The following TLX3 variants were observed in gnomAD, a reference collection of about 807,000 sequenced individuals.
The protein encoded by TLX3 is T cell leukemia homeobox 3.
In TLX3, 11 loss-of-function variants were observed where a neutral mutation model predicts 19.6. The ratio of observed to expected loss-of-function variants is 0.56; its 90% CI spans 0.35 to 0.93. The LOEUF is 0.93. Among genes scored for constraint, TLX3 ranks in the 40% least tolerant of loss-of-function variants. The pLI, the probability that TLX3 is intolerant of heterozygous loss-of-function variation, is 0.01. For missense variants in TLX3, 375 were observed against 418.6 expected (o/e 0.90, Z 0.91); for synonymous variants, 221 against 188.1 (o/e 1.17, Z -1.43).
Position 171,311,483 on chromosome 5 carries a change from G to A in TLX3, c.760G>A (p.Asp254Asn). Reference protein sequence around the residue: ...QHDAFQKSLNDSIQPDPLCLH... With the variant: ...QHDAFQKSLNNSIQPDPLCLH... ...CGACGCCTTCCAAAAGAGCCTCAACGACTCCATCCAGCCTGACCCGCTCTG... is the reference window on the plus strand; with the variant it reads ...CGACGCCTTCCAAAAGAGCCTCAACAACTCCATCCAGCCTGACCCGCTCTG... The change falls in exon 3 of 3, where the codon GAC becomes AAC. Residue 254 changes from aspartate (D) to asparagine (N), a missense_variant. This residue lies in a region of TLX3 where 62 missense variants were observed against 63.1 expected (regional missense o/e 0.98). Coordinates refer to ENST00000296921, the MANE Select transcript of TLX3 (RefSeq NM_021025.4). This position sits in a 1 kb window ranked among gnomAD's most constrained non-coding sequence, Gnocchi z 5.1. The A allele has an allele frequency of 1.2e-6, 2 of 1,611,492 alleles. No individual in the cohort carries two copies. Among genetic ancestry groups the A allele is most frequent in the Non-Finnish European group, 1.7e-6 (2 of 1,178,996 alleles).
In TLX3 at chr5:171,311,304, G is replaced by T; in HGVS notation, c.666-85G>T. ...CGCCTCGAGGCTCCCGGATGGCCTC[G>T]GCTCCCGGGAGGGCCGGGGCCCCGC... On this transcript the variant is annotated intron_variant, in intron 2 of 2. Transcript: ENST00000296921. This position sits in a 1 kb window ranked among gnomAD's most constrained non-coding sequence, Gnocchi z 5.1. The T allele has an allele frequency of 1.5e-6, 2 of 1,290,720 alleles. No individual in the cohort carries two copies. Among genetic ancestry groups the T allele is most frequent in the Non-Finnish European group, 2.1e-6 (2 of 954,034 alleles). 80.0% of individuals were successfully genotyped at this position (1,290,720 alleles called of 1,614,324 possible).
At position 171,309,327 on chromosome 5, in the gene TLX3, T is replaced by TGCCCCCCCCCCCCC; in HGVS notation, c.-39_-38insGCCCCCCCCCCCCC. The TGCCCCCCCCCCCCC allele has an allele frequency of 1.4e-5, 14 of 976,968 alleles. No homozygotes were observed. The highest frequency in any genetic ancestry group is 2.8e-5 in the East Asian group (1 of 35,736). 60.5% of individuals were successfully genotyped at this position (976,968 alleles called of 1,614,324 possible). Reference sequence around the variant, plus strand: ...GCGCCGTAACGGGGACCCAGCCGCCTCCCCGCCCAGCCCAGCCCAGCCCTT... The same window carrying TGCCCCCCCCCCCCC: ...GCGCCGTAACGGGGACCCAGCCGCCTGCCCCCCCCCCCCCCCCCGCCCAGCCCAGCCCAGCCCTT... On this transcript the variant is annotated 5_prime_UTR_variant, in exon 1 of 3. Transcript: ENST00000296921.
rs756534516 is a variant in TLX3, at chr5:171,311,569, C to T, written c.846C>T (p.Ser282=). ...TGCAGCCCTGGGAGGAGGATAGTTC[C>T]AAGGTTCCCGCTGTCACCTCCCTGG... ...QNLQPWEEDS[S]KVPAVTSLV Residue 282 remains serine (S), a synonymous_variant, in exon 3 of 3, where the codon TCC becomes TCT. Transcript: ENST00000296921. This position sits in a 1 kb window ranked among gnomAD's most constrained non-coding sequence, Gnocchi z 5.1. 5 of 1,612,064 alleles carry T rather than the reference C, an allele frequency of 3.1e-6. No homozygotes were observed. The African/African-American group carries it at 6.7e-5, about 22-fold the overall frequency.
intron 1 of TLX3, 28 bp downstream of exon 1, chr5:171,309,814 G>A (rs779473453): frequency 1.7e-5 from 27 of 1,549,314 alleles, no homozygotes; most frequent in Non-Finnish European, 2.0e-5. Flanking sequence ...CCAGGCTCCA[G>A]GCCTCCGCCC....
At chr5:171,309,815 G>A in intron 1 of TLX3, 29 bp downstream of exon 1, 1 of 1,543,072 alleles carries the variant, frequency 6.5e-7, no homozygotes, top group Non-Finnish European at 8.7e-7. Flanking sequence ...CAGGCTCCAG[G>A]CCTCCGCCCT....
chr5:171,311,759 G>A lies in TLX3; in HGVS notation c.*160G>A. On this transcript the variant is annotated 3_prime_UTR_variant, in exon 3 of 3. Transcript: ENST00000296921. This position sits in a 1 kb window ranked among gnomAD's most constrained non-coding sequence, Gnocchi z 5.1. Reference sequence around the variant, plus strand: ...GGCCACAGACTGGCGGGCCGCGGAAGGGGGTAGGGCCCGAGCTCCGCGCGG... The same window carrying A: ...GGCCACAGACTGGCGGGCCGCGGAAAGGGGTAGGGCCCGAGCTCCGCGCGG... 1.9e-6 allele frequency: 1 copy of A among 514,590 alleles called. No individual in the cohort carries two copies. Among genetic ancestry groups the A allele is most frequent in the East Asian group, 3.6e-5 (1 of 27,946 alleles). 31.9% of individuals were successfully genotyped at this position (514,590 alleles called of 1,614,324 possible). A position where few individuals can be genotyped will look rare whatever the true frequency, so the allele number is the denominator to read the frequency against.
In TLX3 at chr5:171,310,732, G is replaced by GCA. The variant is rs57258058; in HGVS notation, c.665+359_665+360dup. ...ACCCACCCCCGCCCCAAACACACAG[G>GCA]CACACACACACACACACACACGCGC... On this transcript the variant is annotated intron_variant, in intron 2 of 2. Transcript: ENST00000296921. Among the ~76,000 whole-genome samples, 24 of 43,912 alleles carry GCA rather than the reference G, an allele frequency of 5.5e-4. 1 individual carries two copies. The highest frequency in any genetic ancestry group is 0.029 in the East Asian group (2 of 70). The allele number at this position is 43,912 out of a possible 152,430, so 28.8% of individuals were successfully genotyped here.
chr5:171,309,324 G>GCCGGCCCCCCCC lies in TLX3; in HGVS notation c.-40_-39insGGCCCCCCCCCC. ...GCCGCGCCGTAACGGGGACCCAGCC[G>GCCGGCCCCCCCC]CCTCCCCGCCCAGCCCAGCCCAGCC... On this transcript the variant is annotated 5_prime_UTR_variant, in exon 1 of 3. Transcript: ENST00000296921. 2 of 1,259,518 alleles carry GCCGGCCCCCCCC rather than the reference G, an allele frequency of 1.6e-6. No homozygotes were observed. The allele number at this position is 1,259,518 out of a possible 1,614,324, so 78.0% of individuals were successfully genotyped here.
In TLX3 at chr5:171,310,254, G is replaced by A. The variant is rs747812787; in HGVS notation, c.526G>A (p.Val176Met). The change falls in exon 2 of 3, where the codon GTG (valine) becomes ATG (methionine). Residue 176 changes from valine (V) to methionine (M), a missense_variant. By Grantham distance (21) the Val-to-Met change is conservative. Around this residue, in one of 3 missense-constraint regions of TLX3, gnomAD observed 74 missense variants for 138.6 expected, o/e 0.53. Transcript: ENST00000296921. ...RKKPRTSFSRVQICELEKRFH... is the reference protein window; with the variant it reads ...RKKPRTSFSRMQICELEKRFH... Reference sequence around the variant, plus strand: ...GAAGCCGCGCACGTCCTTTTCCCGGGTGCAGATCTGCGAGCTGGAAAAGCG... The same window carrying A: ...GAAGCCGCGCACGTCCTTTTCCCGGATGCAGATCTGCGAGCTGGAAAAGCG... 4.5e-6 allele frequency: 7 copies of A among 1,571,310 alleles called. No individual in the cohort carries two copies. In the South Asian group the frequency reaches 4.7e-5, roughly 10 times the overall value.
rs1769231531 is a variant in TLX3 at position 171,311,910 on chromosome 5, T to C, written c.*311T>C. 2 of 237,764 alleles carry C rather than the reference T, an allele frequency of 8.4e-6. No homozygotes were observed. Among genetic ancestry groups the C allele is most frequent in the Admixed American group, 5.7e-5 (1 of 17,544 alleles). The allele number at this position is 237,764 out of a possible 1,614,324, so 14.7% of individuals were successfully genotyped here. The stretch of plus-strand genomic sequence containing the variant: ...GGCCGGGCGCCTGTATTATACTTTG[T>C]ACTTTTGCCCAAACGTGTAAATAAT... On this transcript the variant is annotated 3_prime_UTR_variant, in exon 3 of 3. Transcript: ENST00000296921. The surrounding 1 kb of genome is among the most constrained non-coding windows in gnomAD (Gnocchi z 5.1).
At position 171,311,837 on chromosome 5, in the gene TLX3, T is replaced by G; in HGVS notation, c.*238T>G. The G allele has an allele frequency of 2.9e-6, 1 of 347,084 alleles. No homozygotes were observed. The highest frequency in any genetic ancestry group is 5.1e-6 in the Non-Finnish European group (1 of 194,782). The allele number at this position is 347,084 out of a possible 1,614,324, so 21.5% of individuals were successfully genotyped here. On this transcript the variant is annotated 3_prime_UTR_variant, in exon 3 of 3. Transcript: ENST00000296921. The surrounding 1 kb of genome is among the most constrained non-coding windows in gnomAD (Gnocchi z 5.1). ...CCCCGTCCCGCCCCAGGCCCGGGCC[T>G]GACAAGAAAGCGCCTTACGTTTCTC...
chr5:171,309,391 C>G lies in TLX3; in HGVS notation c.26C>G (p.Thr9Ser). ...ATGGAGGCGCCCGCCAGCGCGCAGA[C>G]CCCGCACCCGCACGAGCCCATCAGC... is the stretch of plus-strand genomic sequence containing the variant. The part of the protein sequence containing the change: MEAPASAQ[T>S]PHPHEPISFG... Residue 9 changes from threonine to serine, a missense_variant, in exon 1 of 3, where the codon ACC (threonine) becomes AGC (serine). By Grantham distance (58) the Thr-to-Ser change is moderately conservative. This residue lies in a region of TLX3 where 239 missense variants were observed against 217.0 expected (regional missense o/e 1.10). Coordinates refer to ENST00000296921, the MANE Select transcript of TLX3 (RefSeq NM_021025.4). 1 of 1,574,228 alleles carries G rather than the reference C, an allele frequency of 6.4e-7. No homozygotes were observed. Among genetic ancestry groups the G allele is most frequent in the Non-Finnish European group, 8.6e-7 (1 of 1,157,002 alleles).
Position 171,310,131 on chromosome 5 carries a change from C to T in TLX3, c.422-19C>T. The T allele has an allele frequency of 4.5e-6, 7 of 1,546,928 alleles. No individual in the cohort carries two copies. The highest frequency in any genetic ancestry group is 4.4e-6 in the Non-Finnish European group (5 of 1,145,474). On this transcript the variant is annotated intron_variant, in intron 1 of 2. Transcript: ENST00000296921. ...GCGGAGCCGGGCTGGGCTTCAGGGG[C>T]CCTCCTGTGTCTCCGCAGCGGCGGC...
Position 171,309,352 on chromosome 5 carries a change from T to TACC in TLX3, c.-14_-13insACC. ...TCCCCGCCCAGCCCAGCCCAGCCCTTCCGCCCGCCCAGGATGGAGGCGCCC... is the reference window on the plus strand; with the variant it reads ...TCCCCGCCCAGCCCAGCCCAGCCCTTACCCCGCCCGCCCAGGATGGAGGCGCCC... On this transcript the variant is annotated 5_prime_UTR_variant, in exon 1 of 3. Coordinates refer to ENST00000296921, the MANE Select transcript of TLX3 (RefSeq NM_021025.4). 3 of 1,044,954 alleles carry TACC rather than the reference T, an allele frequency of 2.9e-6. No individual in the cohort carries two copies. The highest frequency in any genetic ancestry group is 4.0e-6 in the Non-Finnish European group (3 of 747,052). The allele number at this position is 1,044,954 out of a possible 1,614,324, so 64.7% of individuals were successfully genotyped here. A position where few individuals can be genotyped will look rare whatever the true frequency, so the allele number is the denominator to read the frequency against.
Position 171,309,352 on chromosome 5 carries a change from T to TAA in TLX3, c.-14_-13insAA. The TAA allele has an allele frequency of 9.6e-7, 1 of 1,044,954 alleles. No homozygotes were observed. Among genetic ancestry groups the TAA allele is most frequent in the Non-Finnish European group, 1.3e-6 (1 of 747,050 alleles). The allele number at this position is 1,044,954 out of a possible 1,614,324, so 64.7% of individuals were successfully genotyped here. On this transcript the variant is annotated 5_prime_UTR_variant, in exon 1 of 3. Transcript: ENST00000296921. Reference sequence around the variant, plus strand: ...TCCCCGCCCAGCCCAGCCCAGCCCTTCCGCCCGCCCAGGATGGAGGCGCCC... The same window carrying TAA: ...TCCCCGCCCAGCCCAGCCCAGCCCTTAACCGCCCGCCCAGGATGGAGGCGCCC...
At chr5:171,310,006 G>A in intron 1 of TLX3, 144 bp from the exon 2 acceptor site, 1 of 1,371,494 alleles carries the variant, frequency 7.3e-7, no homozygotes, top group Non-Finnish European at 9.6e-7. Flanking sequence ...GGGGTCTCCC[G>A]ACCGGCTTGG....
In TLX3 at chr5:171,311,685, G is replaced by C. The variant is rs1226387562; in HGVS notation, c.*86G>C. 7.5e-6 allele frequency: 8 copies of C among 1,069,334 alleles called. No homozygotes were observed. In the African/African-American group the frequency reaches 8.4e-5, roughly 11 times the overall value. 66.2% of individuals were successfully genotyped at this position (1,069,334 alleles called of 1,614,324 possible). ...CCCCCAGGCGGGCTGCGGGGGAACC[G>C]GCGCCGAGAGGGGAAGGGGCCGCCT... is the stretch of plus-strand genomic sequence containing the variant. On this transcript the variant is annotated 3_prime_UTR_variant, in exon 3 of 3. Transcript: ENST00000296921. This position sits in a 1 kb window ranked among gnomAD's most constrained non-coding sequence, Gnocchi z 5.1.
chr5:171,309,351 T>A lies in TLX3; in HGVS notation c.-15T>A. The A allele has an allele frequency of 4.1e-6, 3 of 730,396 alleles. No homozygotes were observed. The highest frequency in any genetic ancestry group is 6.0e-6 in the Non-Finnish European group (3 of 498,638). 45.2% of individuals were successfully genotyped at this position (730,396 alleles called of 1,614,324 possible). ...CTCCCCGCCCAGCCCAGCCCAGCCC[T>A]TCCGCCCGCCCAGGATGGAGGCGCC... On this transcript the variant is annotated 5_prime_UTR_variant, in exon 1 of 3. Coordinates refer to ENST00000296921, the MANE Select transcript of TLX3 (RefSeq NM_021025.4).
chr5:171,309,758 C>A lies in TLX3; in HGVS notation c.393C>A (p.Ser131Arg). Residue 131 changes from serine (S) to arginine (R), a missense_variant, in exon 1 of 3, where the codon AGC becomes AGA. Physicochemically the swap from Ser to Arg is moderately radical, Grantham distance 110. Around this residue, in one of 3 missense-constraint regions of TLX3, gnomAD observed 239 missense variants for 217.0 expected, o/e 1.10. Coordinates refer to ENST00000296921, the MANE Select transcript of TLX3 (RefSeq NM_021025.4). The stretch of plus-strand genomic sequence containing the variant: ...TCAATTTCCCCTGGATGGAGAGCAG[C>A]CGCCGCTTCGTGAAAGACCGCTTCA... Reference protein sequence around the residue: ...GGLNFPWMESSRRFVKDRFTA... With the variant: ...GGLNFPWMESRRRFVKDRFTA... The A allele has an allele frequency of 6.2e-7, 1 of 1,607,058 alleles. No individual in the cohort carries two copies. Among genetic ancestry groups the A allele is most frequent in the Non-Finnish European group, 8.5e-7 (1 of 1,176,998 alleles).
Sources: gnomAD v4.1 joint callset for allele counts (sites outside exome capture counted in the v4.1 genomes callset) on GRCh38, gnomAD v4.1.1 for gene constraint, gnomAD v4.1.1 regional missense constraint, Gnocchi (gnomAD v3.1) non-coding constraint, MANE v1.5 for transcripts, NCBI Gene and HGNC (gene_info 2026-07-23, HGNC 2026-07-21) for gene names.